RAPGEF2: variants seen among roughly 807,000 people sequenced by gnomAD.
RAPGEF2 encodes Rap guanine nucleotide exchange factor 2, also known as PDZ domain containing guanine nucleotide exchange factor (GEF) 1.
In RAPGEF2, 54 loss-of-function variants were observed where a neutral mutation model predicts 186.7. The observed-to-expected ratio is 0.29, with a 90% confidence interval of 0.23 to 0.36. The LOEUF (loss-of-function observed/expected upper bound fraction) is 0.36, where lower values mean the gene tolerates loss of function less well. Among genes scored for constraint, RAPGEF2 ranks in the 10% least tolerant of loss-of-function variants. The pLI, the probability that RAPGEF2 is intolerant of heterozygous loss-of-function variation, is 1.00. For missense variants in RAPGEF2, 1,532 were observed against 2,045.0 expected (o/e 0.75, Z 4.84); for synonymous variants, 712 against 705.9 (o/e 1.01, Z -0.14).
intron 26 of RAPGEF2, chr4:159,351,302 CT>C (rs201045411): frequency 0.053 from 44,944 of 842,006 alleles, 1 homozygote; most frequent in South Asian, 0.075. Flanking sequence ...TTTTCTGAAA[CT>C]TTTTTTTTTT....
At chr4:159,250,060 G>A (rs1376022320) in intron 7 of RAPGEF2, among the ~76,000 whole-genome samples, 1 of 152,064 alleles carries the variant, frequency 6.6e-6, no homozygotes, top group Non-Finnish European at 1.5e-5. Context: ...AGATATTTTG[G>A]GAAAAAGTAA....
chr4:159,341,638 G>A lies in RAPGEF2; in HGVS notation c.2609G>A (p.Ser870Asn). The change falls in exon 20 of 30, where the codon AGT becomes AAT. Residue 870 changes from serine to asparagine, a missense_variant. This residue lies in a region of RAPGEF2 where 810 missense variants were observed against 1,210.5 expected (regional missense o/e 0.67). Transcript: ENST00000691494. ...GATGCTCAGGAGTTGTTGAGAGAGA[G>A]TCAAATTTCCCTCCTTCAGCTCAGC... ...DEDAQELLRE[S>N]QISLLQLSTV... 1 of 1,613,908 alleles carries A rather than the reference G, an allele frequency of 6.2e-7. No homozygotes were observed. Among genetic ancestry groups the A allele is most frequent in the Non-Finnish European group, 8.5e-7 (1 of 1,179,886 alleles).
chr4:159,241,483 C>T (rs1433410903), intron 6 of RAPGEF2, 115 bp downstream of exon 6: 2 of 397,104 alleles, frequency 5.0e-6, no homozygotes, highest in Non-Finnish European at 8.2e-6. Flanking sequence ...TATATATACA[C>T]ACACATTAAG....
chr4:159,167,470 G>A (rs1745450177), intron 1 of RAPGEF2, among the ~76,000 whole-genome samples: 1 of 152,196 alleles, frequency 6.6e-6, no homozygotes, highest in African/African-American at 2.4e-5. Flanking sequence ...CCAGCCCTGG[G>A]AGTACCTAAC....
chr4:159,172,832 T>C (rs74834652), intron 1 of RAPGEF2, among the ~76,000 whole-genome samples: 2,508 of 152,270 alleles, frequency 0.016, 73 homozygotes, highest in African/African-American at 0.057. Context: ...TACATATTTT[T>C]AAGTCTCTGA....
intron 1 of RAPGEF2, among the ~76,000 whole-genome samples, chr4:159,143,496 A>G (rs1374041109): frequency 6.6e-6 from 1 of 152,256 alleles, no homozygotes; most frequent in Non-Finnish European, 1.5e-5. Flanking sequence ...ATATTTTCTC[A>G]CAGCAAATAT....
intron 23 of RAPGEF2, 127 bp downstream of exon 23, chr4:159,344,186 C>T: frequency 1.1e-6 from 1 of 924,674 alleles, no homozygotes; most frequent in Non-Finnish European, 1.7e-6. Flanking sequence ...CGTGCTGTAG[C>T]AGAATTTCAG....
At chr4:159,287,271 T>C (rs2110932646) in intron 7 of RAPGEF2, among the ~76,000 whole-genome samples, 1 of 152,268 alleles carries the variant, frequency 6.6e-6, no homozygotes, top group East Asian at 1.9e-4. Flanking sequence ...TAACTATTGC[T>C]ATTGTTATGT....
intron 16 of RAPGEF2, 77 bp downstream of exon 16, chr4:159,332,111 A>C: frequency 1.2e-5 from 11 of 939,402 alleles, no homozygotes; most frequent in Non-Finnish European, 1.6e-5. Context: ...AAGAAAGCAT[A>C]TATGGTAAAA....
chr4:159,348,628 A>G lies in RAPGEF2; in HGVS notation c.3713-1509A>G, dbSNP rs187568417. On this transcript the variant is annotated intron_variant, in intron 25 of 29. Transcript: ENST00000691494. ...CATTCCTGAATCCCCTGCAGTCTGTATCGTCTTTATGCAGAACTTCTCATA... is the reference window on the plus strand; with the variant it reads ...CATTCCTGAATCCCCTGCAGTCTGTGTCGTCTTTATGCAGAACTTCTCATA... Among the ~76,000 whole-genome samples the G allele has an allele frequency of 2.9e-3, 447 of 152,280 alleles. 3 individuals are homozygous for G. The highest frequency in any genetic ancestry group is 0.01 in the African/African-American group (421 of 41,562).
At chr4:159,250,373 A>G (rs953787552) in intron 7 of RAPGEF2, among the ~76,000 whole-genome samples, 1 of 152,216 alleles carries the variant, frequency 6.6e-6, no homozygotes, top group East Asian at 1.9e-4. Context: ...ATGCAATATG[A>G]CATTTGAAAT....
intron 7 of RAPGEF2, among the ~76,000 whole-genome samples, chr4:159,295,233 A>G (rs985674664): frequency 1.3e-5 from 2 of 152,164 alleles, no homozygotes; most frequent in Admixed American, 6.5e-5. Context: ...CTCAGTACCA[A>G]CAGTTGGTGT....
intron 7 of RAPGEF2, among the ~76,000 whole-genome samples, chr4:159,300,345 TTTATTAAAATTGTCA>T (rs1352363758): frequency 6.6e-6 from 1 of 151,860 alleles, no homozygotes; most frequent in African/African-American, 2.4e-5. Flanking sequence ...CTAAGAGTAG[TTTATTAAAATTGTCA>T]TTCACAGGTG....
At chr4:159,216,410 G>GTAT (rs1750998851) in intron 4 of RAPGEF2, among the ~76,000 whole-genome samples, 1 of 152,240 alleles carries the variant, frequency 6.6e-6, no homozygotes, top group South Asian at 2.1e-4. Context: ...TTTTAAGGGG[G>GTAT]TATTTTCTGA....
At chr4:159,260,481 GATGTTTGGTAACTGCC>G (rs1756698721) in intron 7 of RAPGEF2, among the ~76,000 whole-genome samples, 2 of 151,984 alleles carry the variant, frequency 1.3e-5, no homozygotes, top group Non-Finnish European at 2.9e-5. Flanking sequence ...CCCGCCAGCT[GATGTTTGGTAACTGCC>G]ATGTTAGATA....
chr4:159,250,794 CGCCTCG>C (rs907613291), intron 7 of RAPGEF2, among the ~76,000 whole-genome samples: 12 of 150,842 alleles, frequency 8.0e-5, no homozygotes, highest in African/African-American at 2.4e-4. Context: ...TTGCTCTCGG[CGCCTCG>C]GCCTCGGCAT....
intron 1 of RAPGEF2, among the ~76,000 whole-genome samples, chr4:159,145,312 C>G (rs1742832195): frequency 6.6e-6 from 1 of 151,956 alleles, no homozygotes; most frequent in Admixed American, 6.6e-5. Context: ...ATGCAAGCCA[C>G]CTGTGTAATT....
intron 7 of RAPGEF2, among the ~76,000 whole-genome samples, chr4:159,279,391 G>GTGTGTCC (rs1432986372): frequency 6.6e-6 from 1 of 152,194 alleles, no homozygotes; most frequent in Admixed American, 6.5e-5. Context: ...TTTGTTTTCA[G>GTGTGTCC]TGTGTCCTGT....
intron 1 of RAPGEF2, among the ~76,000 whole-genome samples, chr4:159,109,615 A>G (rs1163607044): frequency 1.3e-5 from 2 of 152,226 alleles, no homozygotes; most frequent in East Asian, 1.9e-4. Flanking sequence ...GTGTCCCTCA[A>G]GTAACTCACT....
Sources: gnomAD v4.1 joint callset for allele counts (sites outside exome capture counted in the v4.1 genomes callset) on GRCh38, gnomAD v4.1.1 for gene constraint, gnomAD v4.1.1 regional missense constraint, MANE v1.5 for transcripts, NCBI Gene and HGNC (gene_info 2026-07-23, HGNC 2026-07-21) for gene names.